Variants in SUMF1 observed in about 807,000 individuals in gnomAD.
SUMF1 encodes the protein sulfatase modifying factor 1.
A neutral mutation model predicts 47.6 loss-of-function variants in SUMF1; 48 were observed. That is an observed-to-expected ratio of 1.01 (90% CI 0.80 to 1.28). The LOEUF (loss-of-function observed/expected upper bound fraction) is 1.28, where lower values mean the gene tolerates loss of function less well. Among genes scored for constraint, SUMF1 ranks in the 50% most tolerant of loss-of-function variants. The pLI is 0.00. For synonymous variants in SUMF1, 230 were observed against 192.1 expected (o/e 1.20, Z -1.63); for missense variants, 571 against 485.4 (o/e 1.18, Z -1.66).
intron 8 of SUMF1, among the ~76,000 whole-genome samples, chr3:4,322,968 A>C (rs1174231755): frequency 6.6e-6 from 1 of 152,198 alleles, no homozygotes; most frequent in African/African-American, 2.4e-5. Context: ...AACAACAAAA[A>C]AGTGGACACA....
intron 8 of SUMF1, among the ~76,000 whole-genome samples, chr3:4,197,060 C>T (rs1439748259): frequency 6.6e-6 from 1 of 152,072 alleles, no homozygotes; most frequent in African/African-American, 2.4e-5. Flanking sequence ...CCATCAGTGA[C>T]TGTCATAATT....
intron 8 of SUMF1, among the ~76,000 whole-genome samples, chr3:4,165,640 T>C (rs1017014609): frequency 3.3e-5 from 5 of 152,128 alleles, no homozygotes; most frequent in East Asian, 1.9e-4. Flanking sequence ...AGCTGCAGGA[T>C]AGTATTGTAA....
intron 8 of SUMF1, among the ~76,000 whole-genome samples, chr3:4,076,984 A>G (rs1692453232): frequency 1.3e-5 from 2 of 152,218 alleles, no homozygotes; most frequent in Non-Finnish European, 2.9e-5. Flanking sequence ...AGCCTGGGCA[A>G]CAGAGCGAGA....
chr3:4,056,915 G>T (rs1007830940), intron 9 of SUMF1, among the ~76,000 whole-genome samples: 1 of 151,116 alleles, frequency 6.6e-6, no homozygotes, highest in Non-Finnish European at 1.5e-5. Context: ...CTAATTTTTT[G>T]TATTTTAAGT....
intron 8 of SUMF1, among the ~76,000 whole-genome samples, chr3:4,207,991 A>T (rs1695690802): frequency 6.6e-6 from 1 of 152,178 alleles, no homozygotes; most frequent in Non-Finnish European, 1.5e-5. Flanking sequence ...GGAGCTCTAC[A>T]AAACTCTCAT....
At chr3:4,114,855 T>C (rs1428690380) in intron 8 of SUMF1, among the ~76,000 whole-genome samples, 2 of 152,156 alleles carry the variant, frequency 1.3e-5, no homozygotes, top group Non-Finnish European at 1.5e-5. Context: ...TCAACTTATT[T>C]AAAATATGTA....
chr3:4,310,689 TA>T lies in SUMF1; in HGVS notation c.1014+65640del, dbSNP rs1243430707. Among the ~76,000 whole-genome samples the T allele has an allele frequency of 1.9e-4, 29 of 152,304 alleles. No individual in the cohort carries two copies. The East Asian group carries it at 5.6e-3, about 29-fold the overall frequency. On this transcript the variant is annotated intron_variant and NMD_transcript_variant, in intron 8 of 12. Coordinates refer to the SUMF1 transcript ENST00000448413. Reference sequence around the variant, plus strand: ...ATTCTTCAAAATCTTTTTAAATTTGTAAGTAAAAATAACGAAATAAAACTGT... The same window carrying T: ...ATTCTTCAAAATCTTTTTAAATTTGTAGTAAAAATAACGAAATAAAACTGT...
intron 7 of SUMF1, among the ~76,000 whole-genome samples, chr3:4,377,457 C>G (rs1700365035): frequency 6.6e-6 from 1 of 152,146 alleles, no homozygotes; most frequent in African/African-American, 2.4e-5. Context: ...AAATAAGTGG[C>G]ACAGTCAGGC....
chr3:4,169,612 T>C (rs1343571669), intron 8 of SUMF1, among the ~76,000 whole-genome samples: 1 of 152,192 alleles, frequency 6.6e-6, no homozygotes, highest in Non-Finnish European at 1.5e-5. Context: ...TCTTTTGTTT[T>C]AACCAGTTTG....
intron 9 of SUMF1, among the ~76,000 whole-genome samples, chr3:4,046,103 T>C (rs1385465): frequency 0.016 from 2,470 of 152,070 alleles, 83 homozygotes; most frequent in African/African-American, 0.057. Flanking sequence ...AGGATAAAAA[T>C]AAGTTAACTG....
chr3:4,429,439 G>A (rs1380693384), intron 3 of SUMF1, among the ~76,000 whole-genome samples: 2 of 152,094 alleles, frequency 1.3e-5, no homozygotes, highest in African/African-American at 2.4e-5. Context: ...ATTTTTTCAC[G>A]CCTTACAAGC....
At chr3:4,195,539 G>A (rs543658603) in intron 8 of SUMF1, among the ~76,000 whole-genome samples, 1 of 152,162 alleles carries the variant, frequency 6.6e-6, no homozygotes, top group African/African-American at 2.4e-5. Context: ...CATTTAAATG[G>A]GAAAATGTAG....
chr3:4,352,801 G>A (rs1699532049), intron 8 of SUMF1, among the ~76,000 whole-genome samples: 1 of 151,788 alleles, frequency 6.6e-6, no homozygotes, highest in African/African-American at 2.4e-5. Flanking sequence ...AGGGGCCAGG[G>A]AAGCAAATTC....
chr3:4,117,496 G>T (rs1369274551), intron 8 of SUMF1, among the ~76,000 whole-genome samples: 1 of 152,060 alleles, frequency 6.6e-6, no homozygotes, highest in Admixed American at 6.6e-5. Context: ...TGTTTTCTTA[G>T]TTCTCTTCCT....
Position 4,466,727 on chromosome 3 carries a change from T to C in SUMF1, c.270+249A>G, listed in dbSNP as rs2079956884. Among the ~76,000 whole-genome samples the C allele has an allele frequency of 3.3e-5, 5 of 152,244 alleles. No individual in the cohort carries two copies. The South Asian group carries it at 1.0e-3, about 32-fold the overall frequency. ...TGAGATCCTCATTAAGAGAACAGGTTGGAGGGAGAAAGAAATAGGGGGTAA... is the reference window on the plus strand; with the variant it reads ...TGAGATCCTCATTAAGAGAACAGGTCGGAGGGAGAAAGAAATAGGGGGTAA... On this transcript the variant is annotated intron_variant, in intron 1 of 8. Coordinates refer to ENST00000272902, the MANE Select transcript of SUMF1 (RefSeq NM_182760.4).
chr3:4,431,749 G>T (rs1427105095), intron 3 of SUMF1, among the ~76,000 whole-genome samples: 1 of 152,196 alleles, frequency 6.6e-6, no homozygotes, highest in Non-Finnish European at 1.5e-5. Context: ...ACAGACCAAG[G>T]TGGGGCAAGG....
At chr3:4,219,019 G>A (rs750196956) in intron 8 of SUMF1, among the ~76,000 whole-genome samples, 48 of 152,052 alleles carry the variant, frequency 3.2e-4, no homozygotes, top group Non-Finnish European at 6.3e-4. Flanking sequence ...AAAACATTCC[G>A]TAAGCTGCTG....
intron 1 of SUMF1, 139 bp downstream of exon 1, chr3:4,466,837 A>G (rs1307109363): frequency 7.6e-7 from 1 of 1,321,632 alleles, no homozygotes; most frequent in Non-Finnish European, 1.0e-6. Flanking sequence ...GGAACTCCTC[A>G]TACGGGAACA....
intron 8 of SUMF1, among the ~76,000 whole-genome samples, chr3:4,318,107 C>T (rs567573875): frequency 6.6e-6 from 1 of 150,566 alleles, no homozygotes; most frequent in African/African-American, 2.4e-5. Context: ...TAACCAGACA[C>T]ATGAGTTAAA....
Sources: gnomAD v4.1 joint callset for allele counts (sites outside exome capture counted in the v4.1 genomes callset) on GRCh38, gnomAD v4.1.1 for gene constraint, MANE v1.5 for transcripts, NCBI Gene and HGNC (gene_info 2026-07-23, HGNC 2026-07-21) for gene names.